Variants in PRDM2 observed in about 807,000 individuals in gnomAD.
PRDM2 encodes PR/SET domain 2.
A neutral mutation model predicts 130.0 loss-of-function variants in PRDM2; 30 were observed. The observed-to-expected ratio is 0.23, with a 90% CI of 0.17 to 0.31. The LOEUF (loss-of-function observed/expected upper bound fraction) is 0.31, where lower values mean the gene tolerates loss of function less well. Ranked by LOEUF, PRDM2 falls within the 10% of genes least tolerant of loss-of-function variation. The pLI is 1.00. For missense variants in PRDM2, 2,011 were observed against 2,108.4 expected (o/e 0.95, Z 0.90); for synonymous variants, 871 against 782.4 (o/e 1.11, Z -1.89).
chr1:13,819,419 A>G (rs1810474), intron 9 of PRDM2, among the ~76,000 whole-genome samples: 108,459 of 152,092 alleles, frequency 0.71, 39,197 homozygotes, highest in Middle Eastern at 0.82. Flanking sequence ...GCATCTTGTG[A>G]TCTCTGTTTG....
chr1:13,701,172 C>A lies in PRDM2; in HGVS notation c.-66+872C>A, dbSNP rs551398307. On this transcript the variant is annotated intron_variant, in intron 1 of 9. Transcript: ENST00000311066. ...CCCCTAACAGAAATTTCGTGCTGGC[C>A]CCTCACTTTTCTTTTAGTGTTGTAT... 3.9e-5 allele frequency among the ~76,000 whole-genome samples: 6 copies of A among 152,188 alleles called. No individual in the cohort carries two copies. In the East Asian group the frequency reaches 7.7e-4, roughly 20 times the overall value.
At chr1:13,793,604 G>C (rs535199702) in intron 8 of PRDM2, among the ~76,000 whole-genome samples, 11 of 152,292 alleles carry the variant, frequency 7.2e-5, no homozygotes, top group African/African-American at 2.6e-4. Flanking sequence ...CTATCCTTTG[G>C]TGAGGCTAGA....
At chr1:13,733,141 G>A (rs1269988588) in intron 4 of PRDM2, among the ~76,000 whole-genome samples, 1 of 152,082 alleles carries the variant, frequency 6.6e-6, no homozygotes, top group African/African-American at 2.4e-5. Context: ...AGGGTGTTTT[G>A]CTTTGCAACT....
intron 3 of PRDM2, among the ~76,000 whole-genome samples, chr1:13,731,563 C>G (rs777797595): frequency 2.6e-5 from 4 of 152,146 alleles, no homozygotes; most frequent in Non-Finnish European, 4.4e-5. Context: ...CTTTGTGCCT[C>G]CAGTACCAGA....
chr1:13,723,392 C>T (rs1232976243), intron 2 of PRDM2, among the ~76,000 whole-genome samples: 1 of 152,182 alleles, frequency 6.6e-6, no homozygotes, highest in South Asian at 2.1e-4. Context: ...AGCGCTGCTC[C>T]AGCACATGGA....
At chr1:13,762,157 C>A (rs1644113819) in intron 6 of PRDM2, among the ~76,000 whole-genome samples, 1 of 152,208 alleles carries the variant, frequency 6.6e-6, no homozygotes, top group African/African-American at 2.4e-5. Flanking sequence ...TTGTGCATTA[C>A]CTCATTTACT....
At chr1:13,816,747 C>T (rs1019732305) in intron 9 of PRDM2, among the ~76,000 whole-genome samples, 177 bp downstream of exon 9, 1 of 152,198 alleles carries the variant, frequency 6.6e-6, no homozygotes, top group Non-Finnish European at 1.5e-5. Context: ...GACTCCGGAC[C>T]ACTTGTTTCA....
chr1:13,717,838 A>G (rs1642594462), intron 2 of PRDM2, among the ~76,000 whole-genome samples: 1 of 152,186 alleles, frequency 6.6e-6, no homozygotes, highest in Non-Finnish European at 1.5e-5. Context: ...TTTGGGTGTA[A>G]TTTAAATGGT....
intron 2 of PRDM2, among the ~76,000 whole-genome samples, chr1:13,726,354 C>T (rs1642915438): frequency 1.3e-5 from 2 of 152,138 alleles, no homozygotes; most frequent in African/African-American, 4.8e-5. Context: ...GTAGAAGGGC[C>T]CTTCAGAGGC....
rs1642025755 is a variant in PRDM2 at position 13,700,298 on chromosome 1, C to G, written c.-68C>G. 1 of 149,260 alleles carries G rather than the reference C, an allele frequency of 6.7e-6. No homozygotes were observed. Among genetic ancestry groups the G allele is most frequent in the Admixed American group, 6.7e-5 (1 of 14,924 alleles). 9.2% of individuals were successfully genotyped at this position (149,260 alleles called of 1,614,324 possible). ...CTCTGAGGCGCTGGCGCGGCGGGCGCGGGTAAGGAGTGGCGCGGGTGGGCG... is the reference window on the plus strand; with the variant it reads ...CTCTGAGGCGCTGGCGCGGCGGGCGGGGGTAAGGAGTGGCGCGGGTGGGCG... On this transcript the variant is annotated splice_region_variant and 5_prime_UTR_variant, in exon 1 of 10. Coordinates refer to ENST00000311066, the MANE Select transcript of PRDM2 (RefSeq NM_001393986.1).
intron 2 of PRDM2, among the ~76,000 whole-genome samples, chr1:13,728,486 A>G (rs1305177524): frequency 3.9e-5 from 6 of 152,188 alleles, no homozygotes; most frequent in Non-Finnish European, 8.8e-5. Flanking sequence ...GGCCATGGAG[A>G]GTCCAGCGGG....
intron 1 of PRDM2, among the ~76,000 whole-genome samples, chr1:13,710,507 A>G (rs995465493): frequency 2.6e-5 from 4 of 152,260 alleles, no homozygotes; most frequent in African/African-American, 9.6e-5. Flanking sequence ...AGTTAAGTGC[A>G]TATACTCATG....
At position 13,782,172 on chromosome 1, in the gene PRDM2, C is replaced by T. The variant is rs2100674379; in HGVS notation, c.4377C>T (p.Tyr1459=). 3.1e-6 allele frequency: 5 copies of T among 1,613,898 alleles called. No homozygotes were observed. The highest frequency in any genetic ancestry group is 2.2e-5 in the East Asian group (1 of 44,880). The change falls in exon 8 of 10, where the codon TAC becomes TAT. Residue 1459 remains tyrosine, a synonymous_variant. Coordinates refer to ENST00000311066, the MANE Select transcript of PRDM2 (RefSeq NM_001393986.1). ...AGTCATCCTCTCACATCTGCCCTTA[C>T]TGTAATCGAGAGTTCACTTACATTG... ...ACESSSHICP[Y]CNREFTYIGS...
intron 4 of PRDM2, among the ~76,000 whole-genome samples, chr1:13,734,659 G>A (rs1643212318): frequency 6.6e-6 from 1 of 152,036 alleles, no homozygotes; most frequent in African/African-American, 2.4e-5. Flanking sequence ...CATTGTTAAT[G>A]TAAGATACTT....
chr1:13,819,842 G>C lies in PRDM2; in HGVS notation c.*23+3272G>C, dbSNP rs548101542. On this transcript the variant is annotated intron_variant, in intron 9 of 9. Coordinates refer to ENST00000311066, the MANE Select transcript of PRDM2 (RefSeq NM_001393986.1). ...TTCTTAGAAGTCCACTCATCTCATC[G>C]TGAGCCCTGCTTCGTGATCTCATCT... Among the ~76,000 whole-genome samples, 3 of 152,244 alleles carry C rather than the reference G, an allele frequency of 2.0e-5. No homozygotes were observed. The South Asian group carries it at 6.2e-4, about 32-fold the overall frequency.
chr1:13,744,382 TGTG>T (rs1643540306), intron 5 of PRDM2, among the ~76,000 whole-genome samples: 1 of 152,310 alleles, frequency 6.6e-6, no homozygotes, highest in Admixed American at 6.5e-5. Flanking sequence ...ATAGGATTGT[TGTG>T]ATGATTGCAT....
At chr1:13,732,711 C>G in intron 3 of PRDM2, 68 bp from the exon 4 acceptor site, 2 of 1,141,578 alleles carry the variant, frequency 1.8e-6, no homozygotes, top group African/African-American at 1.6e-5. Context: ...GAAACTTAAG[C>G]GATTTTAATG....
chr1:13,786,518 C>A, intron 8 of PRDM2: 1 of 1,610,676 alleles, frequency 6.2e-7, no homozygotes. Context: ...TTTCTAGGAA[C>A]TTCCTGTAGA....
intron 9 of PRDM2, among the ~76,000 whole-genome samples, chr1:13,819,980 A>G (rs1405777555): frequency 1.3e-5 from 2 of 152,218 alleles, no homozygotes; most frequent in African/African-American, 4.8e-5. Context: ...ACTGTTTAAC[A>G]TAGCTCCAGA....
Sources: gnomAD v4.1 joint callset for allele counts (sites outside exome capture counted in the v4.1 genomes callset) on GRCh38, gnomAD v4.1.1 for gene constraint, MANE v1.5 for transcripts, NCBI Gene and HGNC (gene_info 2026-07-23, HGNC 2026-07-21) for gene names.